The following PRIM2 variants were observed in gnomAD, a reference collection of about 807,000 sequenced individuals.
PRIM2 encodes the protein DNA primase subunit 2, also known as DNA primase large subunit.
In PRIM2, 39 loss-of-function variants were observed where a neutral mutation model predicts 67.3. The ratio of observed to expected loss-of-function variants is 0.58; its 90% confidence interval spans 0.45 to 0.76. The LOEUF is 0.76. Among genes scored for constraint, PRIM2 ranks in the 30% least tolerant of loss-of-function variants. The probability of loss-of-function intolerance (pLI) is 0.00; values close to 1 mark genes in which losing one functional copy is unlikely to be tolerated. For synonymous variants in PRIM2, 143 were observed against 198.7 expected (o/e 0.72, Z 2.36); for missense variants, 398 against 598.7 (o/e 0.66, Z 3.50).
At chr6:57,295,070 C>T in the PRIM2 span, among the ~76,000 whole-genome samples, 1 of 152,118 alleles carries the variant, frequency 6.6e-6, no homozygotes. Context: ...GAATTACAGG[C>T]GTTAGCCACC....
intron 7 of PRIM2, among the ~76,000 whole-genome samples, chr6:57,436,726 G>A (rs112362920): frequency 7.2e-5 from 11 of 152,154 alleles, no homozygotes; most frequent in African/African-American, 1.4e-4. Flanking sequence ...TTATTTTCCC[G>A]AAAATGGACA....
the PRIM2 span, among the ~76,000 whole-genome samples, chr6:57,269,139 G>A: frequency 6.6e-6 from 1 of 151,982 alleles, no homozygotes; most frequent in Non-Finnish European, 1.5e-5. Flanking sequence ...AGTCCTTTGG[G>A]TATATACCCA....
At chr6:57,281,564 G>C in the PRIM2 span, among the ~76,000 whole-genome samples, 1 of 152,012 alleles carries the variant, frequency 6.6e-6, no homozygotes, top group Non-Finnish European at 1.5e-5. Flanking sequence ...CTGAAAAACT[G>C]ACCCCATAGT....
At chr6:57,538,996 G>A (rs1357103336) in intron 10 of PRIM2, among the ~76,000 whole-genome samples, 38 of 152,200 alleles carry the variant, frequency 2.5e-4, no homozygotes, top group Middle Eastern at 3.4e-3. Context: ...TTCAGCTCGT[G>A]TGTGTAGCTA....
intron 8 of PRIM2, among the ~76,000 whole-genome samples, chr6:57,509,437 T>C (rs1774317301): frequency 6.6e-6 from 1 of 152,236 alleles, no homozygotes; most frequent in African/African-American, 2.4e-5. Context: ...GTATATCTCT[T>C]GCTATCATAG....
At chr6:57,500,832 A>T (rs1374617193) in intron 7 of PRIM2, among the ~76,000 whole-genome samples, 1 of 151,722 alleles carries the variant, frequency 6.6e-6, no homozygotes, top group African/African-American at 2.4e-5. Flanking sequence ...TTATTTACAG[A>T]ACCAATACAA....
chr6:57,320,386 C>G (rs1358437729), intron 2 of PRIM2, 71 bp from the exon 3 acceptor site: 2 of 1,021,512 alleles, frequency 2.0e-6, no homozygotes, highest in African/African-American at 3.3e-5. Context: ...TGGAATTGCC[C>G]TCCATAGATT....
chr6:57,430,791 T>C (rs1348197925), intron 7 of PRIM2, among the ~76,000 whole-genome samples: 4 of 152,146 alleles, frequency 2.6e-5, no homozygotes, highest in Non-Finnish European at 5.9e-5. Context: ...AAAGCTACTG[T>C]TGTTAGAAGC....
At chr6:57,271,714 G>T in the PRIM2 span, among the ~76,000 whole-genome samples, 1 of 152,120 alleles carries the variant, frequency 6.6e-6, no homozygotes, top group Admixed American at 6.5e-5. Context: ...TTTTAATTGT[G>T]ATGTTAGGGT....
intron 5 of PRIM2, among the ~76,000 whole-genome samples, chr6:57,375,889 T>C (rs4286783): frequency 6.6e-6 from 1 of 151,902 alleles, no homozygotes; most frequent in South Asian, 2.1e-4. Flanking sequence ...CTGGGTAACA[T>C]AGTAAGACCG....
chr6:57,291,763 A>G, the PRIM2 span, among the ~76,000 whole-genome samples: 2 of 152,360 alleles, frequency 1.3e-5, no homozygotes, highest in Admixed American at 6.5e-5. Context: ...TTATCTCAAT[A>G]GATGCAGAAA....
At chr6:57,413,551 C>G (rs531919371) in intron 7 of PRIM2, among the ~76,000 whole-genome samples, 1 of 152,026 alleles carries the variant, frequency 6.6e-6, no homozygotes, top group Non-Finnish European at 1.5e-5. Flanking sequence ...ACTCATAACT[C>G]TTGAATATCA....
Position 57,330,348 on chromosome 6 carries a change from G to GTTTTTTTTTTTTTTTTTTTTTTTTTTTTT in PRIM2, c.459+4315_459+4316insTTTTTTTTTTTTTTTTTTTTTTTTTTTTT, listed in dbSNP as rs1238317111. On this transcript the variant is annotated intron_variant, in intron 5 of 13. Coordinates refer to ENST00000615550, the MANE Select transcript of PRIM2 (RefSeq NM_000947.5). ...TGTATCCTGCAACCTTGCTGAACTT[G>GTTTTTTTTTTTTTTTTTTTTTTTTTTTTT]TTTTTTTTTTTTGTTTTTGTTTTTT... 2.0e-4 allele frequency among the ~76,000 whole-genome samples: 18 copies of GTTTTTTTTTTTTTTTTTTTTTTTTTTTTT among 87,810 alleles called. 1 individual carries two copies. The highest frequency in any genetic ancestry group is 5.0e-4 in the African/African-American group (10 of 20,142). 57.6% of individuals were successfully genotyped at this position (87,810 alleles called of 152,430 possible).
chr6:57,507,045 A>G (rs1554347268), intron 7 of PRIM2, among the ~76,000 whole-genome samples: 14,077 of 152,120 alleles, frequency 0.093, 720 homozygotes, highest in East Asian at 0.21. Context: ...ACAATTTTAC[A>G]TTTAGAAGTT....
intron 10 of PRIM2, among the ~76,000 whole-genome samples, chr6:57,593,480 A>G (rs1268832560): frequency 5.8e-4 from 88 of 151,832 alleles, no homozygotes; most frequent in African/African-American, 2.0e-3. Flanking sequence ...TTTTTGTATT[A>G]TTAGTAGAGA....
intron 8 of PRIM2, among the ~76,000 whole-genome samples, chr6:57,524,492 A>G (rs1217028846): frequency 1.3e-5 from 2 of 152,146 alleles, no homozygotes; most frequent in Non-Finnish European, 2.9e-5. Flanking sequence ...ACCTGAGATC[A>G]GGAGTTCAAG....
intron 7 of PRIM2, among the ~76,000 whole-genome samples, chr6:57,457,446 C>A (rs1271944208): frequency 6.6e-6 from 1 of 152,208 alleles, no homozygotes; most frequent in African/African-American, 2.4e-5. Flanking sequence ...CCAGATGGAG[C>A]TTCCTGACCC....
the PRIM2 span, among the ~76,000 whole-genome samples, chr6:57,297,875 G>C: frequency 6.6e-6 from 1 of 152,126 alleles, no homozygotes; most frequent in Non-Finnish European, 1.5e-5. Flanking sequence ...ACAAAGCAAG[G>C]CTCAAGAACT....
At chr6:57,580,004 A>G (rs1776052470) in intron 10 of PRIM2, among the ~76,000 whole-genome samples, 1 of 152,150 alleles carries the variant, frequency 6.6e-6, no homozygotes, top group African/African-American at 2.4e-5. Context: ...ATATATAAAA[A>G]TATTTAAATG....
Sources: gnomAD v4.1 joint callset for allele counts (sites outside exome capture counted in the v4.1 genomes callset) on GRCh38, gnomAD v4.1.1 for gene constraint, MANE v1.5 for transcripts, NCBI Gene and HGNC (gene_info 2026-07-23, HGNC 2026-07-21) for gene names.